The following C10orf90 variants were observed in gnomAD, a reference collection of about 807,000 sequenced individuals.
C10orf90 encodes chromosome 10 open reading frame 90, also known as (E2-independent) E3 ubiquitin-conjugating enzyme FATS.
Under a neutral mutation model 62.5 loss-of-function variants are expected in C10orf90, and 56 were observed. The ratio of observed to expected loss-of-function variants is 0.90; its 90% CI spans 0.72 to 1.12. The LOEUF (loss-of-function observed/expected upper bound fraction) is 1.12, where lower values mean the gene tolerates loss of function less well. Among genes scored for constraint, C10orf90 ranks in the 50% most tolerant of loss-of-function variants. The probability of loss-of-function intolerance (pLI) is 0.00; values close to 1 mark genes in which losing one functional copy is unlikely to be tolerated. For missense variants in C10orf90, 970 were observed against 880.4 expected (o/e 1.10, Z -1.29); for synonymous variants, 386 against 340.4 (o/e 1.13, Z -1.47).
At chr10:126,566,070 C>A (rs555829977) in intron 2 of C10orf90, among the ~76,000 whole-genome samples, 9 of 152,162 alleles carry the variant, frequency 5.9e-5, no homozygotes, top group Non-Finnish European at 1.0e-4. Flanking sequence ...GGGCTCATTG[C>A]CCAGCCAGGT....
At chr10:126,647,258 G>C (rs1041900991) in intron 1 of C10orf90, among the ~76,000 whole-genome samples, 3 of 152,130 alleles carry the variant, frequency 2.0e-5, no homozygotes, top group African/African-American at 7.2e-5. Flanking sequence ...TACTGGGTTT[G>C]CCTGTCGTCC....
intron 4 of C10orf90, among the ~76,000 whole-genome samples, chr10:126,474,914 C>A (rs1384254919): frequency 1.3e-5 from 2 of 152,176 alleles, no homozygotes; most frequent in African/African-American, 4.8e-5. Context: ...AGCAAGTAAG[C>A]CAAGGGCAAG....
chr10:126,426,310 G>T (rs1857262906), intron 8 of C10orf90, among the ~76,000 whole-genome samples: 1 of 152,214 alleles, frequency 6.6e-6, no homozygotes, highest in Admixed American at 6.5e-5. Context: ...GCTACGTGGG[G>T]CAATGCAACA....
At chr10:126,587,075 T>A (rs1414514896) in intron 2 of C10orf90, among the ~76,000 whole-genome samples, 2 of 152,132 alleles carry the variant, frequency 1.3e-5, no homozygotes, top group African/African-American at 4.8e-5. Flanking sequence ...GCTCTGAGGT[T>A]TCATACTTGT....
chr10:126,505,297 T>C (rs1269985555), intron 3 of C10orf90, among the ~76,000 whole-genome samples: 1 of 152,158 alleles, frequency 6.6e-6, no homozygotes, highest in Non-Finnish European at 1.5e-5. Flanking sequence ...CTGGAAACAT[T>C]GGCCTGAGTC....
At chr10:126,479,110 G>A (rs1861044533) in intron 4 of C10orf90, among the ~76,000 whole-genome samples, 1 of 152,176 alleles carries the variant, frequency 6.6e-6, no homozygotes, top group Admixed American at 6.5e-5. Context: ...ACCGCAGGGT[G>A]TGAGGAGAAA....
intron 4 of C10orf90, among the ~76,000 whole-genome samples, chr10:126,470,449 G>T (rs1436927792): frequency 6.6e-6 from 1 of 152,204 alleles, no homozygotes; most frequent in Admixed American, 6.5e-5. Context: ...AAAACAAGAG[G>T]TTGAGCATGG....
chr10:126,646,511 G>A, intron 2 of C10orf90, 54 bp downstream of exon 2: 1 of 355,246 alleles, frequency 2.8e-6, no homozygotes, highest in Non-Finnish European at 5.5e-6. Context: ...GAGAGAGAGA[G>A]AGTAAATAAA....
At chr10:126,511,158 C>A (rs894642140) in intron 3 of C10orf90, among the ~76,000 whole-genome samples, 1 of 152,178 alleles carries the variant, frequency 6.6e-6, no homozygotes, top group Non-Finnish European at 1.5e-5. Flanking sequence ...CGAATGGAAG[C>A]GCATTTTCCA....
intron 4 of C10orf90, among the ~76,000 whole-genome samples, chr10:126,493,619 G>T (rs887307011): frequency 2.0e-5 from 3 of 152,082 alleles, no homozygotes; most frequent in Admixed American, 2.0e-4. Flanking sequence ...GCCTCACAAA[G>T]TGCTGGGATT....
chr10:126,658,413 T>C (rs1846439567), intron 1 of C10orf90, among the ~76,000 whole-genome samples: 1 of 152,218 alleles, frequency 6.6e-6, no homozygotes, highest in Admixed American at 6.5e-5. Flanking sequence ...TAGGAAGCAA[T>C]GAAATTAAAA....
At chr10:126,485,331 T>C (rs901005683) in intron 4 of C10orf90, among the ~76,000 whole-genome samples, 9 of 152,228 alleles carry the variant, frequency 5.9e-5, no homozygotes, top group African/African-American at 2.2e-4. Context: ...TAAGCCATCA[T>C]GTCTATGGCA....
intron 2 of C10orf90, among the ~76,000 whole-genome samples, chr10:126,617,694 C>T (rs1290115852): frequency 2.0e-5 from 3 of 152,234 alleles, no homozygotes; most frequent in South Asian, 2.1e-4. Context: ...AGCTCTGAAA[C>T]GAAAGCCCAT....
intron 2 of C10orf90, among the ~76,000 whole-genome samples, chr10:126,561,806 C>T (rs753419369): frequency 1.3e-5 from 2 of 152,112 alleles, no homozygotes; most frequent in Admixed American, 1.3e-4. Context: ...CCCCGGGCCC[C>T]GGGTGGCCTG....
chr10:126,669,153 T>A (rs1331537795), intron 1 of C10orf90, among the ~76,000 whole-genome samples: 1 of 152,240 alleles, frequency 6.6e-6, no homozygotes, highest in Non-Finnish European at 1.5e-5. Flanking sequence ...TCAATTATAT[T>A]CTAATTGCAC....
At chr10:126,608,387 C>T (rs1033137094) in intron 2 of C10orf90, among the ~76,000 whole-genome samples, 1 of 152,208 alleles carries the variant, frequency 6.6e-6, no homozygotes, top group Non-Finnish European at 1.5e-5. Context: ...GCTGGGATTA[C>T]AGGCTTGAGC....
intron 2 of C10orf90, among the ~76,000 whole-genome samples, chr10:126,517,929 A>C (rs1050088586): frequency 1.5e-5 from 2 of 137,378 alleles, no homozygotes; most frequent in African/African-American, 5.4e-5. Context: ...AAAAAAAAAA[A>C]GGAATACAAA....
chr10:126,641,878 C>T (rs748749910), intron 2 of C10orf90, among the ~76,000 whole-genome samples: 10 of 152,134 alleles, frequency 6.6e-5, no homozygotes, highest in Non-Finnish European at 1.2e-4. Context: ...GCCAGGAGGA[C>T]AATTTAACTA....
chr10:126,569,486 G>C (rs1844461391), intron 2 of C10orf90, among the ~76,000 whole-genome samples: 1 of 152,172 alleles, frequency 6.6e-6, no homozygotes, highest in Admixed American at 6.5e-5. Flanking sequence ...GGGTTCTACA[G>C]TCTGATATGA....
Sources: allele counts gnomAD v4.1 joint callset (sites outside exome capture counted in the v4.1 genomes callset), GRCh38; gene constraint gnomAD v4.1.1; transcripts MANE v1.5; gene names NCBI Gene and HGNC (gene_info 2026-07-23, HGNC 2026-07-21).